The following NMUR2 variants were observed in gnomAD, a reference collection of about 807,000 sequenced individuals.
The protein encoded by NMUR2 is neuromedin U receptor 2.
In NMUR2, 24 loss-of-function variants were observed where a neutral mutation model predicts 25.1. That is an observed-to-expected ratio of 0.96 (90% CI 0.69 to 1.34). The LOEUF (loss-of-function observed/expected upper bound fraction) is 1.34. Ranked by LOEUF, NMUR2 falls within the 40% of genes most tolerant of loss-of-function variation. The pLI, the probability that NMUR2 is intolerant of heterozygous loss-of-function variation, is 0.00. For synonymous variants in NMUR2, 218 were observed against 208.1 expected (o/e 1.05, Z -0.41); for missense variants, 533 against 512.8 (o/e 1.04, Z -0.38).
At chr5:152,402,109 A>C (rs1423320007) in intron 1 of NMUR2, among the ~76,000 whole-genome samples, 1 of 152,194 alleles carries the variant, frequency 6.6e-6, no homozygotes, top group African/African-American at 2.4e-5. Flanking sequence ...TGGAAATATA[A>C]ATTGTAATGA....
chr5:152,392,583 A>T (rs1753079879), intron 3 of NMUR2, 82 bp from the exon 4 acceptor site: 3 of 1,106,794 alleles, frequency 2.7e-6, no homozygotes, highest in Non-Finnish European at 2.6e-6. Flanking sequence ...ATATTTACAA[A>T]GGCCTAGAAT....
intron 1 of NMUR2, among the ~76,000 whole-genome samples, chr5:152,400,019 G>T (rs1454917812): frequency 2.0e-5 from 3 of 152,142 alleles, no homozygotes; most frequent in African/African-American, 7.2e-5. Flanking sequence ...TTCCAGAAAA[G>T]GTATTTAAAA....
At position 152,404,599 on chromosome 5, in the gene NMUR2, C is replaced by T. The variant is rs912589908; in HGVS notation, c.515G>A (p.Gly172Asp). The change falls in exon 1 of 4, where the codon GGC becomes GAC. Residue 172 changes from glycine (G) to aspartate (D), a missense_variant. Coordinates refer to ENST00000255262, the MANE Select transcript of NMUR2 (RefSeq NM_020167.5). Reference protein sequence around the residue: ...RALRILGIVWGFSVLFSLPNT... With the variant: ...RALRILGIVWDFSVLFSLPNT... ...GGGCAGGGAGAAGAGCACGGAGAAG[C>T]CCCAGACGATGCCGAGGATCCTGAG... is the stretch of plus-strand genomic sequence containing the variant. 2 of 1,614,118 alleles carry T rather than the reference C, an allele frequency of 1.2e-6. No homozygotes were observed. Among genetic ancestry groups the T allele is most frequent in the Admixed American group, 1.7e-5 (1 of 60,024 alleles).
Position 152,404,550 on chromosome 5 carries a change from C to T in NMUR2, c.564G>A (p.Lys188=), listed in dbSNP as rs1384633686. Residue 188 remains lysine, a synonymous_variant, in exon 1 of 4, where the codon AAG becomes AAA. Coordinates refer to ENST00000255262, the MANE Select transcript of NMUR2 (RefSeq NM_020167.5). The part of the protein sequence containing the change: ...SLPNTSIHGI[K]FHYFPNGSLV... ...GGGACCCATTGGGGAAGTAGTGGAA[C>T]TTGATGCCATGGATGCTGGTGTTGG... is the stretch of plus-strand genomic sequence containing the variant. 3.7e-6 allele frequency: 6 copies of T among 1,614,112 alleles called. No homozygotes were observed. In the Admixed American group the frequency reaches 6.7e-5, roughly 18 times the overall value.
intron 3 of NMUR2, 119 bp from the exon 4 acceptor site, chr5:152,392,620 A>G: frequency 4.1e-6 from 3 of 728,192 alleles, no homozygotes; most frequent in South Asian, 1.8e-5. Context: ...TTTATAAGTG[A>G]TAATACATAC....
intron 3 of NMUR2, among the ~76,000 whole-genome samples, chr5:152,393,959 T>G (rs1404542293): frequency 6.6e-6 from 1 of 152,054 alleles, no homozygotes; most frequent in African/African-American, 2.4e-5. Flanking sequence ...ATAAAAATAA[T>G]AAAAGTTGGA....
chr5:152,395,559 G>C lies in NMUR2; in HGVS notation c.837C>G (p.Ile279Met). Residue 279 changes from isoleucine (I) to methionine (M), a missense_variant, in exon 3 of 4, where the codon ATC (isoleucine) becomes ATG (methionine). Ile to Met is a conservative substitution (Grantham distance 10). Coordinates refer to ENST00000255262, the MANE Select transcript of NMUR2 (RefSeq NM_020167.5). ...MLFVLVLVFAICWAPFHIDRL... is the reference protein window; with the variant it reads ...MLFVLVLVFAMCWAPFHIDRL... ...GGTCAATGTGGAACGGGGCCCAACA[G>C]ATAGCAAACACTAAGACCAAGACAA... 1 of 1,613,562 alleles carries C rather than the reference G, an allele frequency of 6.2e-7. No individual in the cohort carries two copies. The highest frequency in any genetic ancestry group is 8.5e-7 in the Non-Finnish European group (1 of 1,179,768).
chr5:152,405,275 A>T lies in NMUR2; in HGVS notation c.-162T>A. The T allele has an allele frequency of 1.2e-6, 1 of 808,170 alleles. No individual in the cohort carries two copies. The highest frequency in any genetic ancestry group is 1.9e-6 in the Non-Finnish European group (1 of 533,140). The allele number at this position is 808,170 out of a possible 1,614,324, so 50.1% of individuals were successfully genotyped here. On this transcript the variant is annotated 5_prime_UTR_variant, in exon 1 of 4. Transcript: ENST00000255262. ...GGAGAGAGTGAGTGTTTCACCCTCC[A>T]GGTTAGGCTGCCTGGACCGCCGATC...
At position 152,404,693 on chromosome 5, in the gene NMUR2, TG is replaced by T; in HGVS notation, c.420del (p.Ser141AlafsTer89). 1 of 1,614,116 alleles carries T rather than the reference TG, an allele frequency of 6.2e-7. No individual in the cohort carries two copies. The highest frequency in any genetic ancestry group is 8.5e-7 in the Non-Finnish European group (1 of 1,180,038). ...AGGATGGCCACGTAGCGCTCCACGC[TG>T]ACGGTGGTGATGCTGAGGATGGAGG... ...CFASILSITT[V>X]SVERYVAILH... is the part of the protein sequence containing the mutation. On this transcript the variant is annotated frameshift_variant, in exon 1 of 4. Transcript: ENST00000255262. LOFTEE classifies it high-confidence loss of function.
In NMUR2 at chr5:152,394,633, G is replaced by A. The variant is rs1358425850; in HGVS notation, c.937+826C>T. ...CTGAACTTGAAGTTAGATGACTTGG[G>A]TGGGTTATTTGTTAGCTAAGTGCCT... On this transcript the variant is annotated intron_variant, in intron 3 of 3. Transcript: ENST00000255262. Among the ~76,000 whole-genome samples the A allele has an allele frequency of 4.6e-5, 7 of 152,268 alleles. No individual in the cohort carries two copies. The South Asian group carries it at 1.4e-3, about 32-fold the overall frequency.
At chr5:152,402,789 A>G (rs1753280410) in intron 1 of NMUR2, among the ~76,000 whole-genome samples, 1 of 152,084 alleles carries the variant, frequency 6.6e-6, no homozygotes, top group Non-Finnish European at 1.5e-5. Context: ...CATGGCTGTG[A>G]GCTAGTGCGG....
intron 1 of NMUR2, among the ~76,000 whole-genome samples, chr5:152,399,242 T>C (rs1753215626): frequency 6.6e-6 from 1 of 152,182 alleles, no homozygotes; most frequent in Non-Finnish European, 1.5e-5. Context: ...CCATTAGTTC[T>C]CTAGCATTTA....
chr5:152,395,644 T>C, intron 2 of NMUR2, 60 bp from the exon 3 acceptor site: 1 of 1,576,250 alleles, frequency 6.3e-7, no homozygotes, highest in Non-Finnish European at 8.6e-7. Context: ...AGGTATACAA[T>C]GCTCACTCTG....
In NMUR2 at chr5:152,391,746, C is replaced by G. The variant is rs1331307333; in HGVS notation, c.*445G>C. 1.3e-5 allele frequency: 2 copies of G among 156,970 alleles called. No individual in the cohort carries two copies. The highest frequency in any genetic ancestry group is 3.8e-4 in the East Asian group (2 of 5,324). The allele number at this position is 156,970 out of a possible 1,614,324, so 9.7% of individuals were successfully genotyped here. On this transcript the variant is annotated 3_prime_UTR_variant, in exon 4 of 4. Coordinates refer to ENST00000255262, the MANE Select transcript of NMUR2 (RefSeq NM_020167.5). ...AACAAGTTATGCCTGTAGACTGCTG[C>G]CAAGGGACACTGATGTTGGCTTCTC...
chr5:152,393,598 T>G (rs1753097805), intron 3 of NMUR2, among the ~76,000 whole-genome samples: 1 of 152,186 alleles, frequency 6.6e-6, no homozygotes, highest in Non-Finnish European at 1.5e-5. Flanking sequence ...CTCCAAGATC[T>G]TGGAATGGTA....
At chr5:152,398,240 G>T in intron 1 of NMUR2, 96 bp from the exon 2 acceptor site, 2 of 825,854 alleles carry the variant, frequency 2.4e-6, no homozygotes, top group South Asian at 1.6e-5. Flanking sequence ...TCATTTTGAA[G>T]ACAGAAGAAC....
chr5:152,401,722 T>C (rs1246431860), intron 1 of NMUR2, among the ~76,000 whole-genome samples: 1 of 152,178 alleles, frequency 6.6e-6, no homozygotes, highest in East Asian at 1.9e-4. Flanking sequence ...ATTTTCTATC[T>C]CTATAATGTT....
rs759861375 is a variant in NMUR2 at position 152,405,154 on chromosome 5, T to C, written c.-41A>G. ...GAGCCTCCCCTGGTACGAGGCTCTG[T>C]TTCAAGCTGAGCCAGGAAAAAAAAA... is the stretch of plus-strand genomic sequence containing the variant. On this transcript the variant is annotated 5_prime_UTR_variant, in exon 1 of 4. Transcript: ENST00000255262. The C allele has an allele frequency of 8.0e-6, 12 of 1,505,068 alleles. No individual in the cohort carries two copies. Among genetic ancestry groups the C allele is most frequent in the Non-Finnish European group, 1.1e-5 (12 of 1,128,780 alleles). 93.2% of individuals were successfully genotyped at this position (1,505,068 alleles called of 1,614,324 possible). A position where few individuals can be genotyped will look rare whatever the true frequency, so the allele number is the denominator to read the frequency against.
chr5:152,404,775 C>T lies in NMUR2; in HGVS notation c.339G>A (p.Leu113=). 6.2e-7 allele frequency: 1 copy of T among 1,614,140 alleles called. No individual in the cohort carries two copies. Among genetic ancestry groups the T allele is most frequent in the Non-Finnish European group, 8.5e-7 (1 of 1,180,034 alleles). The change falls in exon 1 of 4, where the codon TTG becomes TTA. Residue 113 remains leucine (L), a synonymous_variant. Coordinates refer to ENST00000255262, the MANE Select transcript of NMUR2 (RefSeq NM_020167.5). ...TGAAGTAGCAGCCCACGGGCCCGAA[C>T]AAGAAAGGGTAGTTGCGCCACATCT... The part of the protein sequence containing the change: ...VYEMWRNYPF[L]FGPVGCYFKT...
Sources: gnomAD v4.1 joint callset for allele counts (sites outside exome capture counted in the v4.1 genomes callset) on GRCh38, gnomAD v4.1.1 for gene constraint, MANE v1.5 for transcripts, NCBI Gene and HGNC (gene_info 2026-07-23, HGNC 2026-07-21) for gene names.